LARGE1: variants seen among roughly 807,000 people sequenced by gnomAD.
LARGE1 encodes xylosyl- and glucuronyltransferase LARGE1.
Under a neutral mutation model 87.6 loss-of-function variants are expected in LARGE1, and 43 were observed. That is an observed-to-expected ratio of 0.49 (90% CI 0.38 to 0.63). The LOEUF is 0.63. LARGE1 is among the 30% of genes least tolerant of loss of function. The probability of loss-of-function intolerance (pLI) is 0.00; values close to 1 mark genes in which losing one functional copy is unlikely to be tolerated. For synonymous variants in LARGE1, 434 were observed against 394.6 expected, an observed-to-expected ratio of 1.10 and a Z score of -1.18; for missense variants, 802 against 1,000.2, an observed-to-expected ratio of 0.80 and a Z score of 2.67.
At chr22:33,518,874 G>A (rs879645418) in intron 6 of LARGE1, among the ~76,000 whole-genome samples, 5 of 151,938 alleles carry the variant, frequency 3.3e-5, no homozygotes, top group Non-Finnish European at 7.4e-5. Context: ...CAAAAGAGAC[G>A]GTCATGTGTA....
chr22:33,137,692 T>C, the LARGE1 span, among the ~76,000 whole-genome samples: 1 of 152,086 alleles, frequency 6.6e-6, no homozygotes, highest in Non-Finnish European at 1.5e-5. Context: ...CTGTGCTGTG[T>C]GCAGCCTAGA....
At chr22:33,092,103 T>C in the LARGE1 span, among the ~76,000 whole-genome samples, 2 of 152,154 alleles carry the variant, frequency 1.3e-5, no homozygotes, top group African/African-American at 2.4e-5. Flanking sequence ...TTTCACCATG[T>C]TGGTCAAGCT....
rs372127097 is a variant in LARGE1 at position 33,507,730 on chromosome 22, CATA to C, written c.787+57115_787+57117del. Reference sequence around the variant, plus strand: ...TAAAATTTTGTTAGGTATATTTCACCATAATAATGTTTCTGAAGCACGGTGTTC... The same window carrying C: ...TAAAATTTTGTTAGGTATATTTCACCATAATGTTTCTGAAGCACGGTGTTC... On this transcript the variant is annotated intron_variant, in intron 6 of 14. Transcript: ENST00000397394. Among the ~76,000 whole-genome samples, 413 of 152,180 alleles carry C rather than the reference CATA, an allele frequency of 2.7e-3. 2 individuals carry two copies. Among genetic ancestry groups the C allele is most frequent in the African/African-American group, 9.5e-3 (396 of 41,536 alleles).
intron 1 of LARGE1, among the ~76,000 whole-genome samples, chr22:33,829,439 C>A (rs1277796989): frequency 1.3e-5 from 2 of 152,146 alleles, no homozygotes; most frequent in Non-Finnish European, 2.9e-5. Flanking sequence ...GTATTTCATA[C>A]CTATTTGTTT....
intron 1 of LARGE1, among the ~76,000 whole-genome samples, chr22:33,847,496 T>C (rs2063468528): frequency 6.6e-6 from 1 of 152,240 alleles, no homozygotes; most frequent in Admixed American, 6.5e-5. Context: ...ATGCTTCACA[T>C]GGTAACAATA....
At chr22:33,740,080 C>T (rs184521074) in intron 2 of LARGE1, among the ~76,000 whole-genome samples, 1 of 152,252 alleles carries the variant, frequency 6.6e-6, no homozygotes, top group East Asian at 1.9e-4. Flanking sequence ...TCCCTAACAC[C>T]ACATCTGGCA....
At chr22:33,299,199 T>TGAGA (rs142610718) in intron 12 of LARGE1, among the ~76,000 whole-genome samples, 1 of 132,236 alleles carries the variant, frequency 7.6e-6, no homozygotes, top group South Asian at 2.4e-4. Context: ...AGCAACAGAG[T>TGAGA]GAGAGAGAGA....
rs1264272096 is a variant in LARGE1, at chr22:33,228,144, AG to A, written c.1731-61313del. ...AAGTTATTTATTCTCTCTGTGCTTC[AG>A]TTCTTTGTTGTAAAGATAAAATGGA... On this transcript the variant is annotated intron_variant, in intron 11 of 11. Transcript: ENST00000608642. 2.6e-5 allele frequency among the ~76,000 whole-genome samples: 4 copies of A among 152,238 alleles called. No homozygotes were observed. The East Asian group carries it at 7.7e-4, about 29-fold the overall frequency.
At chr22:33,745,783 A>G (rs2084058684) in intron 2 of LARGE1, among the ~76,000 whole-genome samples, 1 of 152,060 alleles carries the variant, frequency 6.6e-6, no homozygotes, top group Non-Finnish European at 1.5e-5. Flanking sequence ...AAAGTGATAA[A>G]AGACACAACC....
At chr22:33,812,251 AG>A in intron 1 of LARGE1, among the ~76,000 whole-genome samples, 1 of 152,360 alleles carries the variant, frequency 6.6e-6, no homozygotes, top group South Asian at 2.1e-4. Context: ...GCTAAGCTCC[AG>A]GTATGCTCTA....
rs1308380785 is a variant in LARGE1 at position 33,785,124 on chromosome 22, CATATATGTGTATACATACATAT to C, written c.-82-23588_-82-23567del. On this transcript the variant is annotated intron_variant, in intron 1 of 14. Coordinates refer to ENST00000397394, the MANE Select transcript of LARGE1 (RefSeq NM_133642.5). The stretch of plus-strand genomic sequence containing the variant: ...GTGTATACATACATATGTGTATATG[CATATATGTGTATACATACATAT>C]GTGTATATACATATATGTGTATACA... Among the ~76,000 whole-genome samples the C allele has an allele frequency of 1.7e-4, 6 of 36,056 alleles. No individual in the cohort carries two copies. The Admixed American group carries it at 1.7e-3, about 10-fold the overall frequency. 23.7% of individuals were successfully genotyped at this position (36,056 alleles called of 152,430 possible).
At chr22:33,759,855 T>C (rs1160157568) in intron 2 of LARGE1, among the ~76,000 whole-genome samples, 1 of 152,150 alleles carries the variant, frequency 6.6e-6, no homozygotes. Flanking sequence ...TCCACTGCCA[T>C]GGCATAATTG....
At chr22:33,730,657 G>A (rs978236348) in intron 2 of LARGE1, among the ~76,000 whole-genome samples, 1 of 152,098 alleles carries the variant, frequency 6.6e-6, no homozygotes, top group East Asian at 1.9e-4. Context: ...GAAGTGGAGA[G>A]GGGGTTGCAT....
the LARGE1 span, among the ~76,000 whole-genome samples, chr22:33,084,586 T>G: frequency 6.6e-6 from 1 of 151,386 alleles, no homozygotes; most frequent in Non-Finnish European, 1.5e-5. Context: ...CCCCAAGAGG[T>G]TGAGGCTGCA....
At chr22:33,215,718 A>AGT (rs1287693734) in intron 11 of LARGE1, among the ~76,000 whole-genome samples, 1 of 152,128 alleles carries the variant, frequency 6.6e-6, no homozygotes, top group Non-Finnish European at 1.5e-5. Flanking sequence ...GCACTTTGGG[A>AGT]GGCCGAGACA....
intron 7 of LARGE1, among the ~76,000 whole-genome samples, chr22:33,427,452 A>C (rs1601800498): frequency 6.6e-6 from 1 of 152,242 alleles, no homozygotes; most frequent in South Asian, 2.1e-4. Flanking sequence ...TTGGAAAAGC[A>C]GACTGGGAAA....
chr22:33,647,654 G>C lies in LARGE1; in HGVS notation c.408+2713C>G, dbSNP rs550401502. On this transcript the variant is annotated intron_variant, in intron 3 of 14. Transcript: ENST00000397394. ...TAAGCCAGTGTTAGTTGGGATTTTTGATAACCTGCAGTGAAATCTAAGACT... is the reference window on the plus strand; with the variant it reads ...TAAGCCAGTGTTAGTTGGGATTTTTCATAACCTGCAGTGAAATCTAAGACT... Among the ~76,000 whole-genome samples the C allele has an allele frequency of 2.0e-5, 3 of 152,302 alleles. No homozygotes were observed. The South Asian group carries it at 6.2e-4, about 32-fold the overall frequency.
chr22:33,546,164 C>T (rs5999004), intron 6 of LARGE1, among the ~76,000 whole-genome samples: 28,151 of 152,106 alleles, frequency 0.19, 3,571 homozygotes, highest in African/African-American at 0.36. Context: ...TGGCACAGCA[C>T]GCTAAATCCT....
At chr22:33,212,869 T>A (rs1602100362) in intron 11 of LARGE1, among the ~76,000 whole-genome samples, 2 of 152,036 alleles carry the variant, frequency 1.3e-5, no homozygotes, top group African/African-American at 2.4e-5. Flanking sequence ...TACAAAAAAA[T>A]TAGCTGGGCG....
Sources: allele counts gnomAD v4.1 joint callset (sites outside exome capture counted in the v4.1 genomes callset), GRCh38; gene constraint gnomAD v4.1.1; transcripts MANE v1.5; gene names NCBI Gene and HGNC (gene_info 2026-07-23, HGNC 2026-07-21).